DPH6: variants seen among roughly 807,000 people sequenced by gnomAD.
The protein encoded by DPH6 is diphthine--ammonia ligase.
Under a neutral mutation model 38.2 loss-of-function variants are expected in DPH6, and 33 were observed. The ratio of observed to expected loss-of-function variants is 0.86; its 90% confidence interval spans 0.65 to 1.15. DPH6 has a LOEUF of 1.15. DPH6 is among the 50% of genes most tolerant of loss of function. The pLI, the probability that DPH6 is intolerant of heterozygous loss-of-function variation, is 0.00. For synonymous variants in DPH6, 108 were observed against 103.0 expected (o/e 1.05, Z -0.30); for missense variants, 325 against 320.0 (o/e 1.02, Z -0.12).
intron 3 of DPH6, among the ~76,000 whole-genome samples, chr15:35,458,567 T>C (rs1203960175): frequency 6.6e-6 from 1 of 152,106 alleles, no homozygotes; most frequent in African/African-American, 2.4e-5. Flanking sequence ...ACCCATATCA[T>C]TTGGGAGAAA....
intron 5 of DPH6, among the ~76,000 whole-genome samples, chr15:35,431,116 G>A (rs976933046): frequency 2.0e-5 from 3 of 152,094 alleles, no homozygotes. Context: ...TTGCAGCACA[G>A]TTATATAACA....
intron 3 of DPH6, among the ~76,000 whole-genome samples, chr15:35,353,637 A>G (rs1447285150): frequency 6.6e-6 from 1 of 152,138 alleles, no homozygotes; most frequent in African/African-American, 2.4e-5. Context: ...CCATTGGTCT[A>G]TATCTCTGTT....
chr15:35,169,614 C>T, the DPH6 span: 1 of 152,152 alleles, frequency 6.6e-6, no homozygotes, highest in African/African-American at 2.4e-5. Context: ...CATATAACAA[C>T]GATCCTCTAC....
chr15:35,457,096 G>A (rs1406901555), intron 3 of DPH6, among the ~76,000 whole-genome samples: 1 of 151,976 alleles, frequency 6.6e-6, no homozygotes, highest in African/African-American at 2.4e-5. Context: ...TGGGACTACA[G>A]ACGTGTACCA....
intron 3 of DPH6, among the ~76,000 whole-genome samples, chr15:35,477,033 G>A (rs2054271848): frequency 6.6e-6 from 1 of 151,688 alleles, no homozygotes; most frequent in African/African-American, 2.4e-5. Context: ...ACATTTAGCA[G>A]TAGCATACTT....
At chr15:35,468,939 G>A (rs1200842057) in intron 3 of DPH6, among the ~76,000 whole-genome samples, 1 of 152,136 alleles carries the variant, frequency 6.6e-6, no homozygotes, top group Non-Finnish European at 1.5e-5. Context: ...ATGATGGCAG[G>A]TGCCTGTAAT....
rs1425205781 is a variant in DPH6 at position 35,520,213 on chromosome 15, C to T, written c.312+18061G>A. 27 of 630,574 alleles carry T rather than the reference C, an allele frequency of 4.3e-5. No homozygotes were observed. In the African/African-American group the frequency reaches 8.1e-4, roughly 19 times the overall value. 39.1% of individuals were successfully genotyped at this position (630,574 alleles called of 1,614,324 possible). On this transcript the variant is annotated intron_variant, in intron 3 of 8. Transcript: ENST00000256538. ...TCAATCACTCTCACGTGAAAGTAAACATGCTACAAAAAAAAACAAAAAAAA... is the reference window on the plus strand; with the variant it reads ...TCAATCACTCTCACGTGAAAGTAAATATGCTACAAAAAAAAACAAAAAAAA...
At chr15:35,256,267 A>T (rs2622756) in intron 3 of DPH6, among the ~76,000 whole-genome samples, 11 of 151,940 alleles carry the variant, frequency 7.2e-5, no homozygotes, top group African/African-American at 2.2e-4. Flanking sequence ...GCCAGTTACC[A>T]TATTATTTAT....
chr15:35,344,607 TAA>T (rs949872481), intron 3 of DPH6, among the ~76,000 whole-genome samples: 1 of 151,776 alleles, frequency 6.6e-6, no homozygotes, highest in Non-Finnish European at 1.5e-5. Context: ...TAAAATTGAA[TAA>T]AAAAAGAGTA....
intron 3 of DPH6, chr15:35,521,649 C>G (rs1416562841): frequency 8.1e-7 from 1 of 1,230,262 alleles, no homozygotes; most frequent in Non-Finnish European, 1.0e-6. Context: ...TTTTAATATG[C>G]AGGATATTTA....
At chr15:35,457,418 T>A (rs538067466) in intron 3 of DPH6, among the ~76,000 whole-genome samples, 24 of 152,128 alleles carry the variant, frequency 1.6e-4, no homozygotes, top group South Asian at 6.2e-4. Context: ...CTCAGCCTCC[T>A]GAGGAGCTGG....
chr15:35,234,369 A>G (rs2051538100), intron 3 of DPH6, among the ~76,000 whole-genome samples: 1 of 152,194 alleles, frequency 6.6e-6, no homozygotes, highest in African/African-American at 2.4e-5. Flanking sequence ...ACCACAACCT[A>G]ACTTCTGAGC....
At chr15:35,219,931 C>T (rs1318745657) in exon 4 of DPH6, 1 of 152,158 alleles carries the variant, frequency 6.6e-6, no homozygotes, top group Non-Finnish European at 1.5e-5. Context: ...AATCAAGTTA[C>T]ATTTTTTAGT....
intron 3 of DPH6, among the ~76,000 whole-genome samples, chr15:35,495,608 A>T (rs1192718161): frequency 6.6e-6 from 1 of 152,208 alleles, no homozygotes; most frequent in Non-Finnish European, 1.5e-5. Context: ...AAATAAATGG[A>T]GGAATGTACT....
the DPH6 span, among the ~76,000 whole-genome samples, chr15:35,182,220 A>ATTTTTTTTTTTTTTTTTTT: frequency 1.2e-5 from 1 of 86,012 alleles, no homozygotes; most frequent in African/African-American, 3.9e-5. Context: ...AACTCTAAGA[A>ATTTTTTTTTTTTTTTTTTT]TTTTTTTTTT....
the DPH6 span, among the ~76,000 whole-genome samples, chr15:35,168,390 A>C: frequency 6.6e-6 from 1 of 152,058 alleles, no homozygotes; most frequent in African/African-American, 2.4e-5. Flanking sequence ...CTTTCAGTAT[A>C]TTGTGTCCAG....
chr15:35,356,305 G>T (rs921723181), intron 3 of DPH6, among the ~76,000 whole-genome samples: 6 of 152,184 alleles, frequency 3.9e-5, no homozygotes, highest in Non-Finnish European at 8.8e-5. Flanking sequence ...TCTCTGTCCA[G>T]CTTTGTTCTG....
intron 3 of DPH6, among the ~76,000 whole-genome samples, chr15:35,351,626 G>A (rs1278795401): frequency 2.6e-5 from 4 of 151,256 alleles, no homozygotes; most frequent in African/African-American, 9.7e-5. Flanking sequence ...ACATCAGTCT[G>A]TTTTAAGCTC....
intron 6 of DPH6, among the ~76,000 whole-genome samples, chr15:35,390,687 C>T (rs757356027): frequency 9.2e-5 from 14 of 152,234 alleles, no homozygotes; most frequent in Non-Finnish European, 1.5e-4. Flanking sequence ...TGGTTTTCAG[C>T]TCCATCAGGT....
Sources: allele counts gnomAD v4.1 joint callset (sites outside exome capture counted in the v4.1 genomes callset), GRCh38; gene constraint gnomAD v4.1.1; transcripts MANE v1.5; gene names NCBI Gene and HGNC (gene_info 2026-07-23, HGNC 2026-07-21).